Variants in VPS39 observed in about 807,000 individuals in gnomAD.
VPS39 encodes VPS39 subunit of HOPS complex.
A neutral mutation model predicts 121.0 loss-of-function variants in VPS39; 70 were observed. The ratio of observed to expected loss-of-function variants is 0.58; its 90% confidence interval spans 0.48 to 0.71. The LOEUF (loss-of-function observed/expected upper bound fraction) is 0.71, where lower values mean the gene tolerates loss of function less well. Ranked by LOEUF, VPS39 falls within the 30% of genes least tolerant of loss-of-function variation. The pLI, the probability that VPS39 is intolerant of heterozygous loss-of-function variation, is 0.00. For synonymous variants in VPS39, 378 were observed against 398.1 expected (o/e 0.95, Z 0.60); for missense variants, 818 against 1,051.5 (o/e 0.78, Z 3.07).
chr15:42,176,738 G>A (rs1419395437), intron 10 of VPS39, among the ~76,000 whole-genome samples: 2 of 152,016 alleles, frequency 1.3e-5, no homozygotes, highest in Non-Finnish European at 2.9e-5. Flanking sequence ...TGTTCTTCAC[G>A]AGTAGCCACC....
At position 42,161,399 on chromosome 15, in the gene VPS39, T is replaced by C. The variant is rs1172113308; in HGVS notation, c.2552+283A>G. ...AGAACTTTCTGCAGACCTACATCTC[T>C]TGGGCACCCACTATATCAGGTTCTA... On this transcript the variant is annotated intron_variant, in intron 24 of 24. Coordinates refer to ENST00000318006, the MANE Select transcript of VPS39 (RefSeq NM_015289.5). 4 of 500,182 alleles carry C rather than the reference T, an allele frequency of 8.0e-6. No individual in the cohort carries two copies. The East Asian group carries it at 1.6e-4, about 20-fold the overall frequency. 31.0% of individuals were successfully genotyped at this position (500,182 alleles called of 1,614,324 possible).
Position 42,187,342 on chromosome 15 carries a change from C to T in VPS39, c.463G>A (p.Val155Met). 6.2e-7 allele frequency: 1 copy of T among 1,612,272 alleles called. No individual in the cohort carries two copies. Among genetic ancestry groups the T allele is most frequent in the Non-Finnish European group, 8.5e-7 (1 of 1,179,598 alleles). ...ELQGDFSVPD[V>M]PKSMAWCENS... ...TCACACCACGCCATGGACTTGGGCA[C>T]ATCTGGCACACTAAAGTCCCCCTGA... Residue 155 changes from valine to methionine, a missense_variant, in exon 7 of 25, where the codon GTG becomes ATG. Val to Met is a conservative substitution (Grantham distance 21). Coordinates refer to ENST00000318006, the MANE Select transcript of VPS39 (RefSeq NM_015289.5).
rs1225664438 is a variant in VPS39 at position 42,187,865 on chromosome 15, A to G, written c.343-9T>C. ...TCACCGGTCTCTGTGTGCTGGGAGG[A>G]GACATGCAGAGCAAATGAAAATACA... On this transcript the variant is annotated splice_polypyrimidine_tract_variant and intron_variant, in intron 5 of 24. Transcript: ENST00000318006. 3.1e-6 allele frequency: 5 copies of G among 1,611,848 alleles called. No individual in the cohort carries two copies. The highest frequency in any genetic ancestry group is 4.2e-6 in the Non-Finnish European group (5 of 1,177,894).
At chr15:42,203,706 G>A (rs545816824) in intron 1 of VPS39, among the ~76,000 whole-genome samples, 39 of 152,246 alleles carry the variant, frequency 2.6e-4, no homozygotes, top group African/African-American at 8.7e-4. Flanking sequence ...GAATCAATCC[G>A]ATGGATTAAA....
rs113628220 is a variant in VPS39, at chr15:42,177,188, A to C, written c.960+1030T>G. 1.7e-3 allele frequency among the ~76,000 whole-genome samples: 254 copies of C among 149,490 alleles called. 4 individuals carry two copies. Among genetic ancestry groups the C allele is most frequent in the African/African-American group, 6.1e-3 (245 of 40,176 alleles). On this transcript the variant is annotated intron_variant, in intron 10 of 24. Coordinates refer to ENST00000318006, the MANE Select transcript of VPS39 (RefSeq NM_015289.5). ...AAAAAAAAAAAAAAAAAAAAAAAAA[A>C]ACCTCAAAAAACCCCCAAATACATA...
rs1309985171 is a variant in VPS39, at chr15:42,160,393, G to C, written c.*361C>G. The C allele has an allele frequency of 3.7e-6, 1 of 270,538 alleles. No individual in the cohort carries two copies. Among genetic ancestry groups the C allele is most frequent in the Non-Finnish European group, 7.3e-6 (1 of 136,474 alleles). The allele number at this position is 270,538 out of a possible 1,614,324, so 16.8% of individuals were successfully genotyped here. On this transcript the variant is annotated 3_prime_UTR_variant, in exon 25 of 25. Transcript: ENST00000318006. ...TCCTTGTGAAGTCATGTACTTAATAGAAAAGCCCTTGATGAACAACCCCAT... is the reference window on the plus strand; with the variant it reads ...TCCTTGTGAAGTCATGTACTTAATACAAAAGCCCTTGATGAACAACCCCAT...
chr15:42,184,991 T>C (rs879393553), intron 7 of VPS39, among the ~76,000 whole-genome samples: 2 of 152,210 alleles, frequency 1.3e-5, no homozygotes, highest in African/African-American at 2.4e-5. Flanking sequence ...GGTGCAGCTG[T>C]TTTGTTTGTT....
chr15:42,194,947 A>C (rs558291446), intron 2 of VPS39, among the ~76,000 whole-genome samples: 14 of 151,844 alleles, frequency 9.2e-5, no homozygotes, highest in Non-Finnish European at 1.9e-4. Flanking sequence ...AAAAAAAAAA[A>C]AAACAAAAAA....
intron 2 of VPS39, among the ~76,000 whole-genome samples, chr15:42,194,120 G>A (rs1282496259): frequency 1.3e-5 from 2 of 152,022 alleles, no homozygotes; most frequent in African/African-American, 4.8e-5. Flanking sequence ...AACTTGTACT[G>A]CCTAACCAAG....
chr15:42,167,002 G>T, intron 13 of VPS39, 89 bp from the exon 14 acceptor site: 1 of 1,560,224 alleles, frequency 6.4e-7, no homozygotes, highest in Non-Finnish European at 8.7e-7. Flanking sequence ...TGAAAGGCCA[G>T]GAATGTAGCA....
intron 7 of VPS39, among the ~76,000 whole-genome samples, chr15:42,186,324 T>A (rs1336120287): frequency 6.6e-6 from 1 of 151,216 alleles, no homozygotes; most frequent in Non-Finnish European, 1.5e-5. Context: ...GGTAGGCATC[T>A]GGGCTACCTG....
At chr15:42,184,415 A>T in intron 8 of VPS39, 102 bp downstream of exon 8, 1 of 1,247,082 alleles carries the variant, frequency 8.0e-7, no homozygotes, top group African/African-American at 1.5e-5. Context: ...TGAATGACAC[A>T]ACGTAAACCA....
intron 8 of VPS39, among the ~76,000 whole-genome samples, chr15:42,179,638 A>T (rs1348979325): frequency 6.6e-6 from 1 of 150,420 alleles, no homozygotes. Flanking sequence ...AAAAAATAAA[A>T]AAAAAAGAAA....
intron 24 of VPS39, 141 bp from the exon 25 acceptor site, chr15:42,160,970 C>T (rs2049116028): frequency 1.4e-6 from 1 of 723,782 alleles, no homozygotes; most frequent in Non-Finnish European, 2.4e-6. Context: ...AACAGCCTGC[C>T]TGAGGGGCTC....
chr15:42,167,570 G>C, intron 12 of VPS39, 33 bp from the exon 13 acceptor site: 1 of 1,608,354 alleles, frequency 6.2e-7, no homozygotes, highest in South Asian at 1.1e-5. Context: ...TTAAGGCCAG[G>C]ACTAAGTCTT....
At chr15:42,173,680 C>T (rs755285624) in intron 11 of VPS39, 43 bp downstream of exon 11, 239 of 1,592,914 alleles carry the variant, frequency 1.5e-4, no homozygotes, top group Non-Finnish European at 1.9e-4. Context: ...TCAGGCTCCC[C>T]TCCTCCATTA....
At chr15:42,207,947 C>T in intron 1 of VPS39, 134 bp downstream of exon 1, 1 of 922,604 alleles carries the variant, frequency 1.1e-6, no homozygotes, top group East Asian at 2.7e-5. Context: ...TGCCTTCTCT[C>T]ATCCTAAGCC....
chr15:42,189,819 T>C (rs28491017), intron 4 of VPS39, among the ~76,000 whole-genome samples: 1,452 of 82,118 alleles, frequency 0.018, 20 homozygotes, highest in South Asian at 0.032. Flanking sequence ...TTTTTTTTTT[T>C]TGAGGCACGG....
In VPS39 at chr15:42,163,642, T is replaced by G; in HGVS notation, c.2113A>C (p.Thr705Pro). The change falls in exon 20 of 25, where the codon ACA becomes CCA. Residue 705 changes from threonine to proline, a missense_variant. Physicochemically the swap from Thr to Pro is conservative, Grantham distance 38. Transcript: ENST00000318006. ...CAAACTTACTCCTCAGCCATCCTTG[T>G]ATCCTTCAAGATGTGGACATAAATG... ...LFIYVHILKD[T>P]RMAEEYCHKH... 2 of 1,613,960 alleles carry G rather than the reference T, an allele frequency of 1.2e-6. No homozygotes were observed. Among genetic ancestry groups the G allele is most frequent in the Non-Finnish European group, 1.7e-6 (2 of 1,179,906 alleles).
Sources: allele counts gnomAD v4.1 joint callset (sites outside exome capture counted in the v4.1 genomes callset), GRCh38; gene constraint gnomAD v4.1.1; transcripts MANE v1.5; gene names NCBI Gene and HGNC (gene_info 2026-07-23, HGNC 2026-07-21).